The following NOL6 variants were observed in gnomAD, a reference collection of about 807,000 sequenced individuals.
NOL6 encodes the protein nucleolar RNA-associated protein.
In NOL6, 33 loss-of-function variants were observed where a neutral mutation model predicts 131.7. The ratio of observed to expected loss-of-function variants is 0.25; its 90% CI spans 0.19 to 0.33. The LOEUF (loss-of-function observed/expected upper bound fraction) is 0.33. Among genes scored for constraint, NOL6 ranks in the 10% least tolerant of loss-of-function variants. The pLI, the probability that NOL6 is intolerant of heterozygous loss-of-function variation, is 1.00. For missense variants in NOL6, 1,297 were observed against 1,494.5 expected (o/e 0.87, Z 2.18); for synonymous variants, 580 against 605.7 (o/e 0.96, Z 0.62).
rs143835066 is a variant in NOL6, at chr9:33,463,360, C to T, written c.3076G>A (p.Val1026Met). ...CAGAAGGAGGCAGCTGGCGAGTCCA[C>T]AGCCTGGCGGTGCCGCGGGATATGG... ...PRHIPRHRQA[V>M]DSPAASFCRG... Residue 1026 changes from valine to methionine, a missense_variant, in exon 24 of 26, where the codon GTG (valine) becomes ATG (methionine). Physicochemically the swap from Val to Met is conservative, Grantham distance 21. Transcript: ENST00000297990. 6.2e-7 allele frequency: 1 copy of T among 1,613,964 alleles called. No homozygotes were observed. Among genetic ancestry groups the T allele is most frequent in the Non-Finnish European group, 8.5e-7 (1 of 1,179,990 alleles).
In NOL6 at chr9:33,466,670, G is replaced by A. The variant is rs779953369; in HGVS notation, c.1990C>T (p.Arg664Cys). The stretch of plus-strand genomic sequence containing the variant: ...AGGCGACTGAGGTCGTCGTAGCAAC[G>A]TACCGCCGCTACCAGGGCCTCCTCA... Reference protein sequence around the residue: ...TGEEALVAAVRCYDDLSRLLW... With the variant: ...TGEEALVAAVCCYDDLSRLLW... Residue 664 changes from arginine (R) to cysteine (C), a missense_variant, in exon 16 of 26, where the codon CGT becomes TGT. Coordinates refer to ENST00000297990, the MANE Select transcript of NOL6 (RefSeq NM_022917.5). 16 of 1,613,742 alleles carry A rather than the reference G, an allele frequency of 9.9e-6. No individual in the cohort carries two copies. The highest frequency in any genetic ancestry group is 4.5e-5 in the East Asian group (2 of 44,896).
At chr9:33,465,039 G>A (rs533041004) in intron 20 of NOL6, 63 bp from the exon 21 acceptor site, 1 of 1,496,740 alleles carries the variant, frequency 6.7e-7, no homozygotes, top group Admixed American at 1.7e-5. Context: ...CTTCTCTCAG[G>A]CTATGGAGCT....
intron 1 of NOL6, among the ~76,000 whole-genome samples, chr9:33,473,425 C>A (rs1827468017): frequency 6.6e-6 from 1 of 152,216 alleles, no homozygotes; most frequent in Non-Finnish European, 1.5e-5. Flanking sequence ...CCAGGAGAGG[C>A]ACCGTATGCC....
At position 33,468,791 on chromosome 9, in the gene NOL6, T is replaced by C. The variant is rs1827323629; in HGVS notation, c.1108A>G (p.Ser370Gly). Residue 370 changes from serine (S) to glycine (G), a missense_variant, in exon 8 of 26, where the codon AGT becomes GGT. Coordinates refer to ENST00000297990, the MANE Select transcript of NOL6 (RefSeq NM_022917.5). Reference protein sequence around the residue: ...VSTRKIHTTMSGYQVLRSVLQ... With the variant: ...VSTRKIHTTMGGYQVLRSVLQ... The stretch of plus-strand genomic sequence containing the variant: ...ACACTTCTCAGGACCTGGTAGCCAC[T>C]CATGGTGGTATGGATCTTGCGTGTA... 6.2e-7 allele frequency: 1 copy of C among 1,614,032 alleles called. No individual in the cohort carries two copies. Among genetic ancestry groups the C allele is most frequent in the Non-Finnish European group, 8.5e-7 (1 of 1,180,020 alleles).
chr9:33,469,165 C>T (rs371666044), intron 6 of NOL6, 42 bp downstream of exon 6: 20 of 1,613,988 alleles, frequency 1.2e-5, no homozygotes, highest in Non-Finnish European at 1.4e-5. Flanking sequence ...AGTCCCCACA[C>T]CTCTTCCCTC....
chr9:33,464,448 C>T (rs905111564), intron 21 of NOL6, among the ~76,000 whole-genome samples: 3 of 152,146 alleles, frequency 2.0e-5, no homozygotes, highest in Admixed American at 2.0e-4. Context: ...CCCCTCCCAC[C>T]ATGGGCTTCC....
At chr9:33,465,156 T>A (rs1051981801) in intron 20 of NOL6, 51 bp downstream of exon 20, 1 of 1,556,754 alleles carries the variant, frequency 6.4e-7, no homozygotes, top group East Asian at 2.4e-5. Flanking sequence ...CGAAGGATGA[T>A]GGCTGGCCGC....
rs957203665 is a variant in NOL6, at chr9:33,467,035, C to T, written c.1875-48G>A. ...GTGAGAAAATTTGGGGCTATGTTCT[C>T]GCTCAACTGCCTGGGCCAGACCCCT... On this transcript the variant is annotated intron_variant, in intron 14 of 25. Coordinates refer to ENST00000297990, the MANE Select transcript of NOL6 (RefSeq NM_022917.5). This position sits in a 1 kb window ranked among gnomAD's most constrained non-coding sequence, Gnocchi z 4.4. The T allele has an allele frequency of 1.6e-5, 26 of 1,613,682 alleles. No individual in the cohort carries two copies. Among genetic ancestry groups the T allele is most frequent in the Non-Finnish European group, 2.2e-5 (26 of 1,179,724 alleles).
chr9:33,465,997 G>A, intron 18 of NOL6, 74 bp downstream of exon 18: 1 of 1,562,260 alleles, frequency 6.4e-7, no homozygotes, highest in Non-Finnish European at 8.7e-7. Flanking sequence ...TACCCACAGG[G>A]GTGTCTTCTT....
At chr9:33,473,397 G>A (rs1418637589) in intron 1 of NOL6, among the ~76,000 whole-genome samples, 1 of 152,208 alleles carries the variant, frequency 6.6e-6, no homozygotes, top group African/African-American at 2.4e-5. Flanking sequence ...TCATCCCAGA[G>A]AGCCTTACTG....
At position 33,466,944 on chromosome 9, in the gene NOL6, G is replaced by A. The variant is rs1827262798; in HGVS notation, c.1918C>T (p.Pro640Ser). The A allele has an allele frequency of 6.2e-7, 1 of 1,614,056 alleles. No individual in the cohort carries two copies. The highest frequency in any genetic ancestry group is 8.5e-7 in the Non-Finnish European group (1 of 1,180,050). ...AGGCCTTGGATAAGTGCATCCAGGG[G>A]GCCCCCCACATAGTGGACACAGGTT... ...PETCVHYVGGPLDALIQGLKE... is the reference protein window; with the variant it reads ...PETCVHYVGGSLDALIQGLKE... Residue 640 changes from proline to serine, a missense_variant, in exon 15 of 26, where the codon CCC becomes TCC. Transcript: ENST00000297990.
Position 33,461,900 on chromosome 9 carries a change from C to T in NOL6, c.*764G>A. 2.2e-6 allele frequency: 1 copy of T among 453,630 alleles called. No homozygotes were observed. The highest frequency in any genetic ancestry group is 3.3e-5 in the South Asian group (1 of 30,680). 28.1% of individuals were successfully genotyped at this position (453,630 alleles called of 1,614,324 possible). On this transcript the variant is annotated 3_prime_UTR_variant, in exon 26 of 26. Transcript: ENST00000297990. Reference sequence around the variant, plus strand: ...TGAGTCTCCCCCATCTCTGCAACCCCACTGCAGGTACATAGTAGTGGCAGT... The same window carrying T: ...TGAGTCTCCCCCATCTCTGCAACCCTACTGCAGGTACATAGTAGTGGCAGT...
Position 33,463,882 on chromosome 9 carries a change from C to T in NOL6, c.2943G>A (p.Leu981=), listed in dbSNP as rs547019254. The change falls in exon 23 of 26, where the codon CTG becomes CTA. Residue 981 remains leucine, a synonymous_variant. Coordinates refer to ENST00000297990, the MANE Select transcript of NOL6 (RefSeq NM_022917.5). ...CCATGAGCTGCTTCTCTAACATGGG[C>T]AGGGCTTCAGCTGCCAGGACCACAA... The part of the protein sequence containing the change: ...QQLVVLAAEA[L]PMLEKQLMDP... The T allele has an allele frequency of 3.7e-6, 6 of 1,614,160 alleles. No individual in the cohort carries two copies. The highest frequency in any genetic ancestry group is 5.1e-6 in the Non-Finnish European group (6 of 1,180,022).
rs1262594232 is a variant in NOL6 at position 33,469,619 on chromosome 9, G to A, written c.607C>T (p.Arg203Cys). The change falls in exon 5 of 26, where the codon CGT becomes TGT. Residue 203 changes from arginine to cysteine, a missense_variant. Transcript: ENST00000297990. ...GCCAAGTGGGCCAGGTAGAGGGCAC[G>A]CTTGCGGAAGTAGCGCTGGTTCAGC... ...DGLNQRYFRK[R>C]ALYLAHLAHH... 8.1e-6 allele frequency: 13 copies of A among 1,612,772 alleles called. No individual in the cohort carries two copies. Among genetic ancestry groups the A allele is most frequent in the South Asian group, 2.2e-5 (2 of 90,900 alleles).
chr9:33,464,083 T>TG lies in NOL6; in HGVS notation c.2857dup (p.Gln953ProfsTer27). ...TGTCCACACAGAGTTTTTGCGGTCT[T>TG]GGGGGGTAACAATGACCATGACGGG... is the stretch of plus-strand genomic sequence containing the variant. On this transcript the variant is annotated frameshift_variant, in exon 22 of 26. Transcript: ENST00000297990. LOFTEE classifies it high-confidence loss of function. 6.2e-7 allele frequency: 1 copy of TG among 1,613,530 alleles called. No homozygotes were observed. The highest frequency in any genetic ancestry group is 8.5e-7 in the Non-Finnish European group (1 of 1,179,786).
intron 18 of NOL6, 68 bp from the exon 19 acceptor site, chr9:33,465,965 A>C (rs1020618043): frequency 3.0e-5 from 47 of 1,582,994 alleles, no homozygotes; most frequent in Non-Finnish European, 3.9e-5. Flanking sequence ...TCTGTGGCCT[A>C]CAGCCCTATT....
chr9:33,468,765 G>A lies in NOL6; in HGVS notation c.1134C>T (p.Val378=). 6.2e-7 allele frequency: 1 copy of A among 1,614,172 alleles called. No homozygotes were observed. Among genetic ancestry groups the A allele is most frequent in the South Asian group, 1.1e-5 (1 of 91,082 alleles). Residue 378 remains valine, a synonymous_variant, in exon 8 of 26, where the codon GTC becomes GTT. Transcript: ENST00000297990. ...TMSGYQVLRS[V]LQFLATTDLT... ...TAGTTGCCTCACCCAGAAACTGCAA[G>A]ACACTTCTCAGGACCTGGTAGCCAC...
In NOL6 at chr9:33,468,121, T is replaced by C. The variant is rs772208507; in HGVS notation, c.1333A>G (p.Met445Val). 1.5e-5 allele frequency: 25 copies of C among 1,613,980 alleles called. No homozygotes were observed. Among genetic ancestry groups the C allele is most frequent in the Middle Eastern group, 3.3e-4 (2 of 6,084 alleles). ...TCAGCTCTGCTGTCCAGCAACATCA[T>C]AGACAGCCGTGCCTCATGCTGTACC... ...HQVQHEARLS[M>V]MLLDSRADDG... Residue 445 changes from methionine to valine, a missense_variant, in exon 11 of 26, where the codon ATG (methionine) becomes GTG (valine). By Grantham distance (21) the Met-to-Val change is conservative. Transcript: ENST00000297990.
In NOL6 at chr9:33,467,801, T is replaced by G. The variant is rs1401201101; in HGVS notation, c.1492A>C (p.Asn498His). 24 of 1,611,352 alleles carry G rather than the reference T, an allele frequency of 1.5e-5. No individual in the cohort carries two copies. Among genetic ancestry groups the G allele is most frequent in the Admixed American group, 3.3e-5 (2 of 59,708 alleles). ...RLKLWPELQD[N>H]GGDYVSAALG... ...GCAGCTGAGACATAGTCCCCACCATTGTCCTGCAGCTCTGGCCAGAGCTTC... is the reference window on the plus strand; with the variant it reads ...GCAGCTGAGACATAGTCCCCACCATGGTCCTGCAGCTCTGGCCAGAGCTTC... The change falls in exon 12 of 26, where the codon AAT (asparagine) becomes CAT (histidine). Residue 498 changes from asparagine (N) to histidine (H), a missense_variant. Physicochemically the swap from Asn to His is moderately conservative, Grantham distance 68 (BLOSUM62 1). Transcript: ENST00000297990. This position sits in a 1 kb window ranked among gnomAD's most constrained non-coding sequence, Gnocchi z 4.4.
Sources: allele counts gnomAD v4.1 joint callset (sites outside exome capture counted in the v4.1 genomes callset), GRCh38; gene constraint gnomAD v4.1.1; non-coding constraint Gnocchi (gnomAD v3.1); transcripts MANE v1.5; gene names NCBI Gene and HGNC (gene_info 2026-07-23, HGNC 2026-07-21).